Variants in TIPIN observed in about 807,000 individuals in gnomAD.
TIPIN encodes the protein TIMELESS interacting protein.
In TIPIN, 29 loss-of-function variants were observed where a neutral mutation model predicts 35.6. The ratio of observed to expected loss-of-function variants is 0.82; its 90% CI spans 0.61 to 1.11. The LOEUF is 1.11. Among genes scored for constraint, TIPIN ranks in the 50% most tolerant of loss-of-function variants. TIPIN has a pLI of 0.00. For synonymous variants in TIPIN, 102 were observed against 121.5 expected, an observed-to-expected ratio of 0.84 and a Z score of 1.06; for missense variants, 296 against 345.4, an observed-to-expected ratio of 0.86 and a Z score of 1.13.
chr15:66,349,578 CT>C, intron 4 of TIPIN, 141 bp from the exon 5 acceptor site: 1 of 1,119,458 alleles, frequency 8.9e-7, no homozygotes, highest in East Asian at 2.6e-5. Context: ...ATAAAAGGAA[CT>C]TTAATAAGAA....
At position 66,354,694 on chromosome 15, in the gene TIPIN, G is replaced by A. The variant is rs566290581; in HGVS notation, c.-8-1739C>T. Among the ~76,000 whole-genome samples, 11 of 152,286 alleles carry A rather than the reference G, an allele frequency of 7.2e-5. No homozygotes were observed. The South Asian group carries it at 2.3e-3, about 32-fold the overall frequency. On this transcript the variant is annotated intron_variant, in intron 1 of 7. Transcript: ENST00000261881. Reference sequence around the variant, plus strand: ...CTCTATGCTTTTTCTTTCCTTGAAAGAGCTATATCCCTCAGGCCACTGGCT... The same window carrying A: ...CTCTATGCTTTTTCTTTCCTTGAAAAAGCTATATCCCTCAGGCCACTGGCT...
Position 66,337,184 on chromosome 15 carries a change from GAA to G in TIPIN, c.683-5_683-4del. 6.2e-7 allele frequency: 1 copy of G among 1,609,708 alleles called. No individual in the cohort carries two copies. On this transcript the variant is annotated splice_region_variant and splice_polypyrimidine_tract_variant and intron_variant, in intron 7 of 7. Transcript: ENST00000261881. ...CCTGGGTGTATTCATTAACATATCT[GAA>G]AGAAATCATACCATTATTATTCATT...
intron 6 of TIPIN, 62 bp from the exon 7 acceptor site, chr15:66,341,418 T>C: frequency 6.9e-7 from 1 of 1,453,266 alleles, no homozygotes; most frequent in Non-Finnish European, 9.2e-7. Context: ...GGCTTCTCAT[T>C]GAAAAAGAAT....
At chr15:66,379,544 G>A in intron 1 of TIPIN, 1 of 1,610,796 alleles carries the variant, frequency 6.2e-7, no homozygotes, top group South Asian at 1.1e-5. Flanking sequence ...TCCGCACCCT[G>A]CGGATGTATT....
At chr15:66,346,334 C>G (rs1811204533) in intron 6 of TIPIN, among the ~76,000 whole-genome samples, 1 of 150,376 alleles carries the variant, frequency 6.6e-6, no homozygotes, top group African/African-American at 2.5e-5. Context: ...GCATAGATGG[C>G]TCCCCCATTC....
chr15:66,361,237 T>G (rs919306613), upstream of TIPIN, among the ~76,000 whole-genome samples: 29 of 151,708 alleles, frequency 1.9e-4, no homozygotes, highest in African/African-American at 7.0e-4. Context: ...TCTTTTCATT[T>G]TTCATAACCT....
At chr15:66,380,051 G>GAGTGC (rs2093313012) in intron 1 of TIPIN, 3 of 426,752 alleles carry the variant, frequency 7.0e-6, no homozygotes, top group Non-Finnish European at 4.1e-6. Context: ...ACCCAGGCTG[G>GAGTGC]AGTGCAGTGG....
At chr15:66,374,953 G>A (rs2140494522) in intron 1 of TIPIN, among the ~76,000 whole-genome samples, 1 of 152,248 alleles carries the variant, frequency 6.6e-6, no homozygotes. Flanking sequence ...CAAGTGATCT[G>A]CCCTTCTGGG....
rs570613011 is a variant in TIPIN, at chr15:66,378,371, G to A, written c.-9+8236C>T. ...AGGCTTGTCTCCATCTCCTGACCTC[G>A]TGATCTGCCTTCCTTGGCCTCCCAA... On this transcript the variant is annotated intron_variant, in intron 1 of 7. Coordinates refer to the TIPIN transcript ENST00000562124. Among the ~76,000 whole-genome samples the A allele has an allele frequency of 1.6e-4, 24 of 152,176 alleles. 1 individual carries two copies. Among genetic ancestry groups the A allele is most frequent in the East Asian group, 7.7e-4 (4 of 5,164 alleles).
At chr15:66,382,901 G>C in intron 1 of TIPIN, 4 of 972,656 alleles carry the variant, frequency 4.1e-6, no homozygotes, top group Non-Finnish European at 4.9e-6. Context: ...ACTTATGTTA[G>C]GCCCTCAGGA....
At chr15:66,346,283 A>G (rs1397240663) in intron 6 of TIPIN, among the ~76,000 whole-genome samples, 5 of 144,534 alleles carry the variant, frequency 3.5e-5, no homozygotes, top group African/African-American at 1.3e-4. Flanking sequence ...TTTTACTGCC[A>G]TAGAATATAG....
chr15:66,366,640 G>A (rs953941025), intron 1 of TIPIN, among the ~76,000 whole-genome samples: 3 of 149,532 alleles, frequency 2.0e-5, no homozygotes, highest in Non-Finnish European at 4.4e-5. Flanking sequence ...GGTGGCTTGC[G>A]CCTGTAGTCC....
chr15:66,385,576 G>A (rs929770106), intron 1 of TIPIN, among the ~76,000 whole-genome samples: 10 of 150,344 alleles, frequency 6.7e-5, no homozygotes, highest in African/African-American at 2.2e-4. Context: ...TGCAACCTCC[G>A]CCTCCCGAGT....
At chr15:66,385,054 G>C (rs918041992) in intron 1 of TIPIN, among the ~76,000 whole-genome samples, 29 of 152,174 alleles carry the variant, frequency 1.9e-4, no homozygotes, top group African/African-American at 7.0e-4. Flanking sequence ...ACCACAGTGA[G>C]AAAGCTGGCT....
chr15:66,363,756 G>T (rs572902261), intron 1 of TIPIN, among the ~76,000 whole-genome samples: 435 of 151,874 alleles, frequency 2.9e-3, no homozygotes, highest in Non-Finnish European at 4.7e-3. Context: ...GCCAAGGTGG[G>T]TGGATCACGA....
At chr15:66,342,200 AAAAAAAAAG>A (rs1566971574) in intron 6 of TIPIN, among the ~76,000 whole-genome samples, 6 of 151,352 alleles carry the variant, frequency 4.0e-5, no homozygotes, top group Admixed American at 2.0e-4. Flanking sequence ...AAAAAAAAAA[AAAAAAAAAG>A]AAAGAAACAA....
In TIPIN at chr15:66,341,266, G is replaced by A. The variant is rs1211551137; in HGVS notation, c.566C>T (p.Ser189Phe). Residue 189 changes from serine to phenylalanine, a missense_variant, in exon 7 of 8, where the codon TCT becomes TTT. Ser to Phe is a radical substitution (Grantham distance 155). Transcript: ENST00000261881. The stretch of plus-strand genomic sequence containing the variant: ...TTCTGTTAGGCTTCTACTTAACTCA[G>A]AAGCAAACATCTCACTTTCAGATAA... ...TNLSESEMFA[S>F]ELSRSLTEEQ... The A allele has an allele frequency of 1.9e-6, 3 of 1,613,762 alleles. No individual in the cohort carries two copies. The highest frequency in any genetic ancestry group is 4.5e-5 in the East Asian group (2 of 44,862).
At chr15:66,344,991 G>C (rs908315959) in intron 6 of TIPIN, among the ~76,000 whole-genome samples, 1 of 152,220 alleles carries the variant, frequency 6.6e-6, no homozygotes, top group African/African-American at 2.4e-5. Context: ...TATTCAGTGT[G>C]TTACAGGATG....
At chr15:66,386,397 T>C (rs947231500) in intron 1 of TIPIN, 1 of 152,238 alleles carries the variant, frequency 6.6e-6, no homozygotes, top group African/African-American at 2.4e-5. Context: ...TCCATTTCCT[T>C]GCACCCTTCT....
Sources: gnomAD v4.1 joint callset for allele counts (sites outside exome capture counted in the v4.1 genomes callset) on GRCh38, gnomAD v4.1.1 for gene constraint, MANE v1.5 for transcripts, NCBI Gene and HGNC (gene_info 2026-07-23, HGNC 2026-07-21) for gene names.